The following GBE1 variants were observed in gnomAD, a reference collection of about 807,000 sequenced individuals.
The protein encoded by GBE1 is 1,4-alpha-glucan-branching enzyme.
GBE1 carries 70 observed loss-of-function variants against 88.8 expected under a neutral mutation model. The ratio of observed to expected loss-of-function variants is 0.79; its 90% confidence interval spans 0.65 to 0.96. The LOEUF (loss-of-function observed/expected upper bound fraction) is 0.96, where lower values mean the gene tolerates loss of function less well. Among genes scored for constraint, GBE1 ranks in the 40% least tolerant of loss-of-function variants. The probability of loss-of-function intolerance (pLI) is 0.00; values close to 1 mark genes in which losing one functional copy is unlikely to be tolerated. For synonymous variants in GBE1, 284 were observed against 300.1 expected, an observed-to-expected ratio of 0.95 and a Z score of 0.56; for missense variants, 872 against 871.0, an observed-to-expected ratio of 1.00 and a Z score of -0.01.
chr3:81,711,742 G>T (rs933209122), intron 1 of GBE1, among the ~76,000 whole-genome samples: 5 of 152,202 alleles, frequency 3.3e-5, no homozygotes, highest in African/African-American at 7.2e-5. Flanking sequence ...GACATAGGCA[G>T]GGGCAAGGAC....
chr3:81,760,395 C>T (rs1377897872), intron 1 of GBE1, among the ~76,000 whole-genome samples: 2 of 152,198 alleles, frequency 1.3e-5, no homozygotes, highest in Non-Finnish European at 2.9e-5. Context: ...TTACTCTCAA[C>T]GCTCCTTCAT....
At chr3:81,643,961 G>C (rs1272398281) in intron 6 of GBE1, among the ~76,000 whole-genome samples, 1 of 151,962 alleles carries the variant, frequency 6.6e-6, no homozygotes, top group Non-Finnish European at 1.5e-5. Flanking sequence ...ATTATCTTAT[G>C]ACACTCTCCC....
chr3:81,516,888 G>A (rs904014618), intron 14 of GBE1, among the ~76,000 whole-genome samples: 6 of 151,548 alleles, frequency 4.0e-5, no homozygotes, highest in Non-Finnish European at 1.5e-5. Context: ...CTGCAGTCTC[G>A]TGATAAAACT....
chr3:81,601,484 T>A (rs1438079293), intron 7 of GBE1, among the ~76,000 whole-genome samples: 1 of 152,174 alleles, frequency 6.6e-6, no homozygotes, highest in East Asian at 1.9e-4. Flanking sequence ...AATTTTAATA[T>A]GTGGTCATAC....
chr3:81,501,320 C>T (rs958657644), intron 14 of GBE1, among the ~76,000 whole-genome samples: 6 of 152,156 alleles, frequency 3.9e-5, no homozygotes, highest in African/African-American at 1.4e-4. Context: ...TTCGGCATGG[C>T]TTCCCAATGT....
At chr3:81,596,160 A>G (rs1249717709) in intron 7 of GBE1, among the ~76,000 whole-genome samples, 1 of 152,034 alleles carries the variant, frequency 6.6e-6, no homozygotes, top group African/African-American at 2.4e-5. Context: ...ATAAAAATTT[A>G]GAAATTTTAT....
At chr3:81,758,002 G>A (rs1456871136) in intron 1 of GBE1, among the ~76,000 whole-genome samples, 2 of 152,156 alleles carry the variant, frequency 1.3e-5, no homozygotes, top group African/African-American at 4.8e-5. Flanking sequence ...TGGCTTCAAA[G>A]AGCCAAGAAA....
At chr3:81,590,666 A>G (rs1703864995) in intron 9 of GBE1, among the ~76,000 whole-genome samples, 1 of 152,038 alleles carries the variant, frequency 6.6e-6, no homozygotes, top group Non-Finnish European at 1.5e-5. Context: ...TCCTATCTTT[A>G]ATGATTGAGC....
intron 14 of GBE1, among the ~76,000 whole-genome samples, chr3:81,499,910 A>G (rs561108160): frequency 1.3e-5 from 2 of 152,322 alleles, no homozygotes; most frequent in Admixed American, 1.3e-4. Context: ...ACAAAAATCT[A>G]TAATTAAATA....
intron 14 of GBE1, among the ~76,000 whole-genome samples, chr3:81,526,914 C>G (rs1702951315): frequency 6.6e-6 from 1 of 152,096 alleles, no homozygotes; most frequent in South Asian, 2.1e-4. Flanking sequence ...ATTGCCAAGT[C>G]AATCCTAAGT....
intron 1 of GBE1, among the ~76,000 whole-genome samples, chr3:81,745,005 T>C (rs1476518707): frequency 6.6e-6 from 1 of 152,224 alleles, no homozygotes; most frequent in Non-Finnish European, 1.5e-5. Context: ...TCATCTGTAT[T>C]ACACTGAACT....
intron 15 of GBE1, among the ~76,000 whole-genome samples, chr3:81,491,468 T>C (rs1344547242): frequency 2.0e-5 from 3 of 152,192 alleles, no homozygotes; most frequent in African/African-American, 7.2e-5. Context: ...GGAATAATAG[T>C]GGATCAATAG....
At chr3:81,714,503 G>A (rs1705914613) in intron 1 of GBE1, among the ~76,000 whole-genome samples, 1 of 152,084 alleles carries the variant, frequency 6.6e-6, no homozygotes, top group Admixed American at 6.6e-5. Flanking sequence ...ATGGAAATGA[G>A]ATAAACAGAA....
At chr3:81,514,163 T>G (rs746663653) in intron 14 of GBE1, among the ~76,000 whole-genome samples, 28 of 151,436 alleles carry the variant, frequency 1.8e-4, no homozygotes, top group Non-Finnish European at 5.9e-5. Flanking sequence ...GGACAGATGT[T>G]AATAGGGAGG....
chr3:81,521,121 T>C (rs911375195), intron 14 of GBE1, among the ~76,000 whole-genome samples: 4 of 151,644 alleles, frequency 2.6e-5, no homozygotes, highest in African/African-American at 4.8e-5. Flanking sequence ...CTCCACAGGT[T>C]TGAGTGAAAA....
chr3:81,526,269 G>A (rs1019428216), intron 14 of GBE1, among the ~76,000 whole-genome samples: 26 of 151,994 alleles, frequency 1.7e-4, no homozygotes, highest in African/African-American at 5.6e-4. Flanking sequence ...ATATCATACT[G>A]AATGGGCAAA....
chr3:81,570,168 T>C (rs999492506), intron 12 of GBE1, among the ~76,000 whole-genome samples: 3 of 152,144 alleles, frequency 2.0e-5, no homozygotes, highest in Non-Finnish European at 2.9e-5. Flanking sequence ...AAATATACGG[T>C]CACTAGGTGT....
chr3:81,738,220 C>T (rs1360129125), intron 1 of GBE1, among the ~76,000 whole-genome samples: 3 of 151,552 alleles, frequency 2.0e-5, no homozygotes, highest in Non-Finnish European at 2.9e-5. Context: ...CATACGTGTG[C>T]ATGTGTCTTT....
chr3:81,617,139 A>C (rs898877876), intron 7 of GBE1, among the ~76,000 whole-genome samples: 1 of 151,934 alleles, frequency 6.6e-6, no homozygotes, highest in Non-Finnish European at 1.5e-5. Flanking sequence ...TCTATATTCT[A>C]TATATACAAT....
Sources: gnomAD v4.1 joint callset for allele counts (sites outside exome capture counted in the v4.1 genomes callset) on GRCh38, gnomAD v4.1.1 for gene constraint, MANE v1.5 for transcripts, NCBI Gene and HGNC (gene_info 2026-07-23, HGNC 2026-07-21) for gene names.